CACNB2: variants seen among roughly 807,000 people sequenced by gnomAD.
The protein encoded by CACNB2 is voltage-dependent L-type calcium channel subunit beta-2.
In CACNB2, 42 loss-of-function variants were observed where a neutral mutation model predicts 73.3. That is an observed-to-expected ratio of 0.57 (90% CI 0.45 to 0.74). The LOEUF (loss-of-function observed/expected upper bound fraction) is 0.74, where lower values mean the gene tolerates loss of function less well. Ranked by LOEUF, CACNB2 falls within the 30% of genes least tolerant of loss-of-function variation. The pLI is 0.00. For synonymous variants in CACNB2, 348 were observed against 310.3 expected (o/e 1.12, Z -1.28); for missense variants, 940 against 853.0 (o/e 1.10, Z -1.27).
intron 2 of CACNB2, among the ~76,000 whole-genome samples, chr10:18,378,624 G>C: frequency 6.6e-6 from 1 of 152,242 alleles, no homozygotes; most frequent in East Asian, 1.9e-4. Context: ...GGTGGTGTGC[G>C]TCTGTGATCC....
chr10:18,254,342 C>A (rs1473387038), intron 2 of CACNB2, among the ~76,000 whole-genome samples: 1 of 152,136 alleles, frequency 6.6e-6, no homozygotes, highest in Non-Finnish European at 1.5e-5. Flanking sequence ...CTCAATAACA[C>A]AAAATATGTT....
At chr10:18,366,240 C>A (rs1037670533) in intron 2 of CACNB2, among the ~76,000 whole-genome samples, 45 of 148,662 alleles carry the variant, frequency 3.0e-4, no homozygotes, top group Admixed American at 8.0e-4. Context: ...CCGAGGCGGG[C>A]GGATCACGAG....
In CACNB2 at chr10:18,543,007, T is replaced by C. The variant is rs941977104; in HGVS notation, c.*3283T>C. The C allele has an allele frequency of 1.3e-5, 2 of 152,042 alleles. No homozygotes were observed. The highest frequency in any genetic ancestry group is 1.5e-5 in the Non-Finnish European group (1 of 67,996). 9.4% of individuals were successfully genotyped at this position (152,042 alleles called of 1,614,324 possible). A position where few individuals can be genotyped will look rare whatever the true frequency, so the allele number is the denominator to read the frequency against. The stretch of plus-strand genomic sequence containing the variant: ...TAGGATGTCTTAGTCATGTTGTACT[T>C]TGGGACAATGCCACATTTTTAACAT... On this transcript the variant is annotated 3_prime_UTR_variant, in exon 14 of 14. Coordinates refer to ENST00000324631, the MANE Select transcript of CACNB2 (RefSeq NM_201596.3).
chr10:18,504,527 C>G (rs963910404), intron 5 of CACNB2, among the ~76,000 whole-genome samples: 3 of 152,192 alleles, frequency 2.0e-5, no homozygotes, highest in Non-Finnish European at 4.4e-5. Context: ...CCTTTTCTTA[C>G]AGCCATATAT....
At chr10:18,339,440 G>A (rs1589082103) in intron 2 of CACNB2, among the ~76,000 whole-genome samples, 1 of 152,152 alleles carries the variant, frequency 6.6e-6, no homozygotes, top group Non-Finnish European at 1.5e-5. Context: ...AGAATGGCTT[G>A]AACCTGAGAG....
chr10:18,194,838 T>C (rs1325461404), intron 2 of CACNB2, among the ~76,000 whole-genome samples: 1 of 152,226 alleles, frequency 6.6e-6, no homozygotes, highest in African/African-American at 2.4e-5. Flanking sequence ...GTTCCAGTCA[T>C]GTGACATGGA....
chr10:18,286,714 A>T (rs1564405436), intron 2 of CACNB2, among the ~76,000 whole-genome samples: 1 of 152,220 alleles, frequency 6.6e-6, no homozygotes, highest in East Asian at 1.9e-4. Flanking sequence ...TAAGATTGTG[A>T]TTGTGATATA....
intron 2 of CACNB2, among the ~76,000 whole-genome samples, chr10:18,298,097 A>T (rs769846554): frequency 2.6e-5 from 4 of 152,160 alleles, no homozygotes; most frequent in Non-Finnish European, 5.9e-5. Context: ...GGCTGGGCGT[A>T]CTGGCTCACG....
At chr10:18,325,457 A>T (rs749850033) in intron 2 of CACNB2, among the ~76,000 whole-genome samples, 17 of 152,052 alleles carry the variant, frequency 1.1e-4, no homozygotes, top group Non-Finnish European at 2.4e-4. Context: ...GGCCTCCCAA[A>T]GTTGCTGGTG....
At chr10:18,304,625 G>T (rs2039657092) in intron 2 of CACNB2, among the ~76,000 whole-genome samples, 1 of 152,106 alleles carries the variant, frequency 6.6e-6, no homozygotes, top group Non-Finnish European at 1.5e-5. Context: ...CCAAGGCAAG[G>T]AACCAAAGGC....
chr10:18,141,027 C>G, intron 1 of CACNB2, 171 bp downstream of exon 1: 1 of 1,540,264 alleles, frequency 6.5e-7, no homozygotes, highest in Non-Finnish European at 8.7e-7. Flanking sequence ...CCCCTTTGCG[C>G]CTTTTCCTGG....
chr10:18,442,732 G>A (rs540451092), intron 3 of CACNB2, among the ~76,000 whole-genome samples: 8 of 150,772 alleles, frequency 5.3e-5, no homozygotes, highest in Non-Finnish European at 8.9e-5. Flanking sequence ...GGCTGAGGCA[G>A]GAGAATTCCT....
intron 2 of CACNB2, among the ~76,000 whole-genome samples, chr10:18,196,547 G>C (rs1213871134): frequency 6.6e-6 from 1 of 152,104 alleles, no homozygotes. Context: ...CGAAGTCCTG[G>C]ACTCCAGTGA....
intron 2 of CACNB2, among the ~76,000 whole-genome samples, chr10:18,303,336 C>T (rs2039600234): frequency 6.6e-6 from 1 of 152,040 alleles, no homozygotes; most frequent in Non-Finnish European, 1.5e-5. Flanking sequence ...GACGTCATCT[C>T]TGCAAATAAT....
intron 2 of CACNB2, among the ~76,000 whole-genome samples, chr10:18,220,276 A>G (rs7911072): frequency 0.22 from 11,733 of 53,678 alleles, 1,886 homozygotes; most frequent in African/African-American, 0.44. Context: ...GAGAGAGAGA[A>G]AGAGAGAGAA....
At chr10:18,478,320 AT>A (rs1271959240) in intron 3 of CACNB2, among the ~76,000 whole-genome samples, 4 of 152,166 alleles carry the variant, frequency 2.6e-5, no homozygotes, top group Non-Finnish European at 5.9e-5. Context: ...CCTGACTTCT[AT>A]TTGACCACAG....
intron 1 of CACNB2, chr10:18,141,147 T>G: frequency 7.2e-7 from 1 of 1,385,064 alleles, no homozygotes; most frequent in Non-Finnish European, 9.6e-7. Flanking sequence ...CTGGCCCTCC[T>G]CGCCCCTTCC....
intron 3 of CACNB2, among the ~76,000 whole-genome samples, chr10:18,481,230 A>ATT (rs1183940542): frequency 5.0e-4 from 9 of 17,978 alleles, no homozygotes; most frequent in African/African-American, 9.5e-4. Context: ...ATATATATAT[A>ATT]TTTTTTTTTT....
At chr10:18,531,316 T>C (rs969175844) in intron 10 of CACNB2, among the ~76,000 whole-genome samples, 4 of 152,212 alleles carry the variant, frequency 2.6e-5, no homozygotes, top group African/African-American at 9.6e-5. Context: ...TCACCAGTTA[T>C]TTTTTCCTGA....
Sources: allele counts gnomAD v4.1 joint callset (sites outside exome capture counted in the v4.1 genomes callset), GRCh38; gene constraint gnomAD v4.1.1; transcripts MANE v1.5; gene names NCBI Gene and HGNC (gene_info 2026-07-23, HGNC 2026-07-21).